Variants in RPSA2 observed in about 807,000 individuals in gnomAD.
RPSA2 encodes the protein ribosomal protein SA 2.
the RPSA2 span, among the ~76,000 whole-genome samples, chr19:23,762,472 TCGAGAGC>T: frequency 6.6e-6 from 1 of 151,354 alleles, no homozygotes; most frequent in Non-Finnish European, 1.5e-5. Context: ...GATCTGGAGT[TCGAGAGC>T]AGCCTGGCCA....
At chr19:23,853,842 C>T in the RPSA2 span, among the ~76,000 whole-genome samples, 1 of 152,162 alleles carries the variant, frequency 6.6e-6, no homozygotes, top group East Asian at 1.9e-4. Context: ...TGGGGAATTT[C>T]ATCAGCTTTT....
the RPSA2 span, among the ~76,000 whole-genome samples, chr19:23,835,502 T>C: frequency 6.6e-6 from 1 of 152,218 alleles, no homozygotes; most frequent in Non-Finnish European, 1.5e-5. Flanking sequence ...ATTGAATTTA[T>C]TACCGTGCAA....
the RPSA2 span, among the ~76,000 whole-genome samples, chr19:23,828,312 ATTCT>A: frequency 2.3e-4 from 25 of 109,236 alleles, no homozygotes; most frequent in East Asian, 1.2e-3. Flanking sequence ...TGCCTGCAGC[ATTCT>A]TTCTTTCTTT....
At chr19:23,816,242 T>C in the RPSA2 span, among the ~76,000 whole-genome samples, 1 of 152,114 alleles carries the variant, frequency 6.6e-6, no homozygotes, top group East Asian at 1.9e-4. Flanking sequence ...CAGAAGATTC[T>C]CTCATTTCAG....
At chr19:23,846,005 G>C in the RPSA2 span, among the ~76,000 whole-genome samples, 1 of 152,154 alleles carries the variant, frequency 6.6e-6, no homozygotes, top group Non-Finnish European at 1.5e-5. Context: ...GCTGTGAGTA[G>C]AATGCTGAAT....
the RPSA2 span, among the ~76,000 whole-genome samples, chr19:23,806,784 CAAAAA>C: frequency 1.4e-5 from 1 of 71,378 alleles, no homozygotes; most frequent in Non-Finnish European, 2.8e-5. Flanking sequence ...GACTGAGTCT[CAAAAA>C]AAAAAAAAAA....
the RPSA2 span, among the ~76,000 whole-genome samples, chr19:23,777,535 C>T: frequency 1.3e-5 from 2 of 151,854 alleles, no homozygotes; most frequent in Admixed American, 1.3e-4. Context: ...ATCTCTTGGC[C>T]TGACACCTAG....
the RPSA2 span, among the ~76,000 whole-genome samples, chr19:23,763,509 C>T: frequency 6.6e-6 from 1 of 152,206 alleles, no homozygotes; most frequent in Non-Finnish European, 1.5e-5. Flanking sequence ...CGGAGTCTTG[C>T]TCTGTCGCCC....
chr19:23,868,741 TTA>T, the RPSA2 span, among the ~76,000 whole-genome samples: 1 of 152,136 alleles, frequency 6.6e-6, no homozygotes, highest in Admixed American at 6.5e-5. Flanking sequence ...AAGGGTATGC[TTA>T]TGTTTTTACA....
At chr19:23,813,264 G>A in the RPSA2 span, among the ~76,000 whole-genome samples, 1 of 149,528 alleles carries the variant, frequency 6.7e-6, no homozygotes, top group Admixed American at 6.7e-5. Context: ...TGTATTTCAG[G>A]TATGTTAACT....
chr19:23,790,731 G>T, the RPSA2 span: 1 of 453,092 alleles, frequency 2.2e-6, no homozygotes, highest in Non-Finnish European at 4.2e-6. Flanking sequence ...AGGTACTGGA[G>T]ATCCACAGCA....
At chr19:23,761,048 A>ATATG in the RPSA2 span, among the ~76,000 whole-genome samples, 129 of 3,372 alleles carry the variant, frequency 0.038, 1 homozygote, top group East Asian at 0.46. Flanking sequence ...TAGGGTATAT[A>ATATG]TGTGTATATA....
At chr19:23,813,713 A>G in the RPSA2 span, among the ~76,000 whole-genome samples, 142,911 of 146,938 alleles carry the variant, frequency 0.97, 69,572 homozygotes, top group Middle Eastern at 1. Flanking sequence ...TTTTCTACTG[A>G]CAATCAACAC....
chr19:23,798,247 GA>G, the RPSA2 span, among the ~76,000 whole-genome samples: 1 of 152,120 alleles, frequency 6.6e-6, no homozygotes, highest in African/African-American at 2.4e-5. Flanking sequence ...TAGCAAAACA[GA>G]ATTATAAGGA....
At chr19:23,779,061 C>T in the RPSA2 span, among the ~76,000 whole-genome samples, 24,285 of 128,566 alleles carry the variant, frequency 0.19, 2,800 homozygotes, top group East Asian at 0.54. Flanking sequence ...AGTGCAGTGG[C>T]GCAATCTCTG....
At chr19:23,870,944 C>A in the RPSA2 span, among the ~76,000 whole-genome samples, 1 of 152,150 alleles carries the variant, frequency 6.6e-6, no homozygotes, top group Non-Finnish European at 1.5e-5. Context: ...CTAAGGGGAG[C>A]CACTCCCTGG....
At chr19:23,856,621 A>T in the RPSA2 span, among the ~76,000 whole-genome samples, 2 of 152,182 alleles carry the variant, frequency 1.3e-5, no homozygotes, top group Non-Finnish European at 2.9e-5. Context: ...GGCATGCCAG[A>T]TATTGGGGGA....
the RPSA2 span, among the ~76,000 whole-genome samples, chr19:23,778,995 C>CTTTTTTT: frequency 7.6e-4 from 61 of 80,686 alleles, 3 homozygotes; most frequent in South Asian, 1.0e-3. Flanking sequence ...TTTTGTGACA[C>CTTTTTTT]TTTTTTTTTT....
At chr19:23,843,768 C>CT in the RPSA2 span, among the ~76,000 whole-genome samples, 1 of 151,798 alleles carries the variant, frequency 6.6e-6, no homozygotes, top group Non-Finnish European at 1.5e-5. Flanking sequence ...CTTCTGTTTT[C>CT]TTTTTTTTGA....
Sources: gnomAD v4.1 joint callset for allele counts (sites outside exome capture counted in the v4.1 genomes callset) on GRCh38, gnomAD v4.1.1 for gene constraint, MANE v1.5 for transcripts, NCBI Gene and HGNC (gene_info 2026-07-23, HGNC 2026-07-21) for gene names.